LZTR1: variants seen among roughly 807,000 people sequenced by gnomAD.
LZTR1 encodes leucine-zipper-like transcriptional regulator 1.
LZTR1 carries 260 observed loss-of-function variants against 105.7 expected under a neutral mutation model. The observed-to-expected ratio is 2.46, with a 90% CI of 2.22 to 2.72. The LOEUF is 2.72. Ranked by LOEUF, LZTR1 falls within the 30% of genes most tolerant of loss-of-function variation. The probability of loss-of-function intolerance (pLI) is 0.00; values close to 1 mark genes in which losing one functional copy is unlikely to be tolerated. For synonymous variants in LZTR1, 490 were observed against 476.4 expected (o/e 1.03, Z -0.37); for missense variants, 1,214 against 1,166.9 (o/e 1.04, Z -0.59).
In LZTR1 at chr22:20,997,266, A is replaced by T; in HGVS notation, c.2441A>T (p.Gln814Leu). 5 of 1,613,844 alleles carry T rather than the reference A, an allele frequency of 3.1e-6. No individual in the cohort carries two copies. The highest frequency in any genetic ancestry group is 4.2e-6 in the Non-Finnish European group (5 of 1,179,918). The change falls in exon 21 of 21, where the codon CAG becomes CTG. Residue 814 changes from glutamine to leucine, a missense_variant. By Grantham distance (113) the Gln-to-Leu change is moderately radical. Coordinates refer to ENST00000646124, the MANE Select transcript of LZTR1 (RefSeq NM_006767.4). ...SKLPTLRSLS[Q>L]QLLLDIIDSL... ...TTGCCCACCCTGCGGTCGCTGAGCC[A>T]GCAGCTGCTGCTGGACATCATAGAC...
Position 20,997,284 on chromosome 22 carries a change from T to TTA in LZTR1, c.2459_2460insTA (p.Ile821ThrfsTer2). 6.2e-7 allele frequency: 1 copy of TTA among 1,613,834 alleles called. No individual in the cohort carries two copies. The highest frequency in any genetic ancestry group is 8.5e-7 in the Non-Finnish European group (1 of 1,179,976). ...CTGAGCCAGCAGCTGCTGCTGGACATCATAGACTCCCTGGCCTCCCACATC... is the reference window on the plus strand; with the variant it reads ...CTGAGCCAGCAGCTGCTGCTGGACATTACATAGACTCCCTGGCCTCCCACATC... On this transcript the variant is annotated frameshift_variant, in exon 21 of 21. Transcript: ENST00000646124. LOFTEE classifies it high-confidence loss of function.
intron 5 of LZTR1, 69 bp from the exon 6 acceptor site, chr22:20,988,720 A>G: frequency 8.5e-7 from 1 of 1,170,972 alleles, no homozygotes; most frequent in Non-Finnish European, 1.3e-6. Flanking sequence ...TGCACTGACC[A>G]CATGGGGCTG....
Position 20,992,349 on chromosome 22 carries a change from C to A in LZTR1, c.1129C>A (p.Pro377Thr), listed in dbSNP as rs1223628431. ...CTTTGGCACCACCTCAGCCAAGCAGCCCACCCAGCCTGCCTCGGAGGTACA... is the reference window on the plus strand; with the variant it reads ...CTTTGGCACCACCTCAGCCAAGCAGACCACCCAGCCTGCCTCGGAGGTACA... The part of the protein sequence containing the change: ...LDFGTTSAKQ[P>T]TQPASELPSG... The change falls in exon 10 of 21, where the codon CCC becomes ACC. Residue 377 changes from proline to threonine, a missense_variant. Physicochemically the swap from Pro to Thr is conservative, Grantham distance 38 (BLOSUM62 -1). Coordinates refer to ENST00000646124, the MANE Select transcript of LZTR1 (RefSeq NM_006767.4). The A allele has an allele frequency of 1.2e-6, 2 of 1,613,586 alleles. No individual in the cohort carries two copies. Among genetic ancestry groups the A allele is most frequent in the Non-Finnish European group, 8.5e-7 (1 of 1,179,850 alleles).
rs1272168008 is a variant in LZTR1 at position 20,993,910 on chromosome 22, CATT to C, written c.1354-13_1354-11del. ...GGTCCTGTGCCCTCTGCCAGTGCAT[CATT>C]CTTTGTGCAGAAGGAGGAGTGCGTG... On this transcript the variant is annotated splice_polypyrimidine_tract_variant and intron_variant, in intron 12 of 20. Coordinates refer to ENST00000646124, the MANE Select transcript of LZTR1 (RefSeq NM_006767.4). 6 of 1,609,554 alleles carry C rather than the reference CATT, an allele frequency of 3.7e-6. No homozygotes were observed. Among genetic ancestry groups the C allele is most frequent in the African/African-American group, 1.3e-5 (1 of 75,048 alleles).
At chr22:20,985,745 C>A (rs1426761810) in intron 2 of LZTR1, 96 bp from the exon 3 acceptor site, 2 of 1,152,456 alleles carry the variant, frequency 1.7e-6, no homozygotes, top group East Asian at 4.8e-5. Context: ...CCCACAACAG[C>A]CCCCTACTCT....
intron 6 of LZTR1, 90 bp downstream of exon 6, chr22:20,988,962 G>A (rs1924501770): frequency 1.7e-6 from 2 of 1,181,734 alleles, no homozygotes; most frequent in African/African-American, 1.5e-5. Flanking sequence ...TAGGCTGGGA[G>A]GATTTTGAGT....
In LZTR1 at chr22:20,994,275, C is replaced by A; in HGVS notation, c.1615+6C>A. 6.3e-7 allele frequency: 1 copy of A among 1,597,170 alleles called. No homozygotes were observed. The highest frequency in any genetic ancestry group is 1.3e-5 in the African/African-American group (1 of 75,032). On this transcript the variant is annotated splice_donor_region_variant and intron_variant, in intron 14 of 20. Coordinates refer to ENST00000646124, the MANE Select transcript of LZTR1 (RefSeq NM_006767.4). ...GATCAAATACCCACGGAAAGGTCCG[C>A]CTGGGTGGGGGTGGAGCAGGGTTGG...
At chr22:20,993,586 C>T (rs1273873387) in intron 11 of LZTR1, 76 bp from the exon 12 acceptor site, 16 of 1,297,302 alleles carry the variant, frequency 1.2e-5, no homozygotes, top group Non-Finnish European at 1.6e-5. Flanking sequence ...GTGGGGACCT[C>T]AGGGTCGGCC....
rs752439876 is a variant in LZTR1 at position 20,990,423 on chromosome 22, A to G, written c.689A>G (p.Asn230Ser). The change falls in exon 8 of 21, where the codon AAC (asparagine) becomes AGC (serine). Residue 230 changes from asparagine (N) to serine (S), a missense_variant. Coordinates refer to ENST00000646124, the MANE Select transcript of LZTR1 (RefSeq NM_006767.4). ...QSGEIPPSCC[N>S]FPVAVCRDKM... Reference sequence around the variant, plus strand: ...GGCGAGATCCCCCCATCTTGCTGCAACTTCCCCGTGGCTGTGTGCCGGGAC... The same window carrying G: ...GGCGAGATCCCCCCATCTTGCTGCAGCTTCCCCGTGGCTGTGTGCCGGGAC... The G allele has an allele frequency of 6.2e-7, 1 of 1,614,080 alleles. No individual in the cohort carries two copies. Among genetic ancestry groups the G allele is most frequent in the Non-Finnish European group, 8.5e-7 (1 of 1,180,006 alleles).
chr22:20,997,131 AG>A (rs1463805140), intron 20 of LZTR1, 100 bp from the exon 21 acceptor site: 2 of 1,127,826 alleles, frequency 1.8e-6, no homozygotes, highest in Admixed American at 3.5e-5. Context: ...CCTTGGGACC[AG>A]CCTGAGCCCT....
Position 20,994,587 on chromosome 22 carries a change from GATGTGTACAAACTGGCACTGAGCTTCC to G in LZTR1, c.1647_1673del (p.Asp549_Gln558delinsGlu). 1 of 1,611,944 alleles carries G rather than the reference GATGTGTACAAACTGGCACTGAGCTTCC, an allele frequency of 6.2e-7. No homozygotes were observed. The highest frequency in any genetic ancestry group is 8.5e-7 in the Non-Finnish European group (1 of 1,179,988). Reference sequence around the variant, plus strand: ...TGTGGAGGATGTGCTGCTCATCATGGATGTGTACAAACTGGCACTGAGCTTCCAGTTGTGCCGCCTGGAGCAGCTGTG... The same window carrying G: ...TGTGGAGGATGTGCTGCTCATCATGGAGTTGTGCCGCCTGGAGCAGCTGTG... On this transcript the variant is annotated inframe_deletion, in exon 15 of 21. Transcript: ENST00000646124.
rs953234089 is a variant in LZTR1 at position 20,993,904 on chromosome 22, G to A, written c.1354-20G>A. 1 of 1,607,266 alleles carries A rather than the reference G, an allele frequency of 6.2e-7. No homozygotes were observed. Among genetic ancestry groups the A allele is most frequent in the Middle Eastern group, 1.7e-4 (1 of 5,982 alleles). On this transcript the variant is annotated intron_variant, in intron 12 of 20. Coordinates refer to ENST00000646124, the MANE Select transcript of LZTR1 (RefSeq NM_006767.4). ...GGCGAGGGTCCTGTGCCCTCTGCCA[G>A]TGCATCATTCTTTGTGCAGAAGGAG... is the stretch of plus-strand genomic sequence containing the variant.
In LZTR1 at chr22:20,996,729, C is replaced by T. The variant is rs143758478; in HGVS notation, c.2253C>T (p.Phe751=). The T allele has an allele frequency of 0.02, 32,635 of 1,612,834 alleles. 350 individuals carry two copies. The highest frequency in any genetic ancestry group is 0.024 in the Non-Finnish European group (28,065 of 1,179,884). ...YLFAAPYYYG[F]YNNRLQAYCK... is the part of the protein sequence containing the mutation. ...TTGCGGCCCCCTACTACTACGGCTT[C>T]TACAACAACCGGCTGCAGGCGTACT... Residue 751 remains phenylalanine, a synonymous_variant, in exon 19 of 21, where the codon TTC becomes TTT. Coordinates refer to ENST00000646124, the MANE Select transcript of LZTR1 (RefSeq NM_006767.4).
intron 18 of LZTR1, 34 bp downstream of exon 18, chr22:20,996,146 C>T (rs370313783): frequency 3.1e-6 from 5 of 1,603,854 alleles, no homozygotes; most frequent in Non-Finnish European, 4.3e-6. Context: ...CCCAGGTCCC[C>T]ACCAAGGGGT....
intron 11 of LZTR1, chr22:20,993,245 C>A: frequency 2.4e-6 from 1 of 414,552 alleles, no homozygotes; most frequent in East Asian, 4.5e-5. Context: ...CAGCCCCTTC[C>A]CAGGCCTGGA....
Position 20,992,272 on chromosome 22 carries a change from C to A in LZTR1, c.1052C>A (p.Thr351Asn). 1 of 1,614,018 alleles carries A rather than the reference C, an allele frequency of 6.2e-7. No individual in the cohort carries two copies. The highest frequency in any genetic ancestry group is 8.5e-7 in the Non-Finnish European group (1 of 1,179,980). Reference protein sequence around the residue: ...ACASEEVPTLTYEERVGFKKS... With the variant: ...ACASEEVPTLNYEERVGFKKS... ...GCTTCCGAGGAGGTGCCCACCCTGA[C>A]CTATGAGGAGCGGGTTGGCTTCAAG... The change falls in exon 10 of 21, where the codon ACC (threonine) becomes AAC (asparagine). Residue 351 changes from threonine (T) to asparagine (N), a missense_variant. By Grantham distance (65) the Thr-to-Asn change is moderately conservative. Coordinates refer to ENST00000646124, the MANE Select transcript of LZTR1 (RefSeq NM_006767.4).
At position 20,995,882 on chromosome 22, in the gene LZTR1, G is replaced by A; in HGVS notation, c.2069+10G>A. The A allele has an allele frequency of 1.9e-6, 3 of 1,612,894 alleles. No homozygotes were observed. Among genetic ancestry groups the A allele is most frequent in the Non-Finnish European group, 2.5e-6 (3 of 1,179,940 alleles). ...TGGCCGCCCGCTCCAGGTGGGTGGG[G>A]GCTGGACAGGAGGGGAGGGTGGGCC... On this transcript the variant is annotated intron_variant, in intron 17 of 20. Coordinates refer to ENST00000646124, the MANE Select transcript of LZTR1 (RefSeq NM_006767.4).
chr22:20,997,052 C>T (rs748149046), intron 20 of LZTR1, 86 bp downstream of exon 20: 1 of 1,407,704 alleles, frequency 7.1e-7, no homozygotes, highest in Non-Finnish European at 1.0e-6. Flanking sequence ...GCTCTGTGGT[C>T]CCCTGCAGTG....
intron 8 of LZTR1, 181 bp from the exon 9 acceptor site, chr22:20,991,447 G>A: frequency 3.4e-6 from 2 of 593,582 alleles, no homozygotes; most frequent in South Asian, 2.1e-5. Context: ...GGCAGGGCTG[G>A]TGCCCGTGCT....
Sources: allele counts gnomAD v4.1 joint callset, GRCh38; gene constraint gnomAD v4.1.1; transcripts MANE v1.5; gene names NCBI Gene and HGNC (gene_info 2026-07-23, HGNC 2026-07-21).